Variants in SPAST observed in about 807,000 individuals in gnomAD.
SPAST encodes spastin.
Under a neutral mutation model 76.6 loss-of-function variants are expected in SPAST, and 30 were observed. That is an observed-to-expected ratio of 0.39 (90% CI 0.29 to 0.53). SPAST has a LOEUF of 0.53. SPAST is among the 20% of genes least tolerant of loss of function. SPAST has a pLI of 0.68. For missense variants in SPAST, 717 were observed against 770.5 expected (o/e 0.93, Z 0.82); for synonymous variants, 305 against 281.0 (o/e 1.09, Z -0.86).
In SPAST at chr2:32,114,664, G is replaced by T; in HGVS notation, c.709G>T (p.Asp237Tyr). 1 of 1,614,054 alleles carries T rather than the reference G, an allele frequency of 6.2e-7. No homozygotes were observed. Among genetic ancestry groups the T allele is most frequent in the Non-Finnish European group, 8.5e-7 (1 of 1,179,992 alleles). Residue 237 changes from aspartate (D) to tyrosine (Y), a missense_variant, in exon 5 of 17, where the codon GAC becomes TAC. Asp to Tyr is a radical substitution (Grantham distance 160). Transcript: ENST00000315285. The stretch of plus-strand genomic sequence containing the variant: ...AAGTGGAGCTGTTCCAAAAAGAAAA[G>T]ACCCCTTAACACACACTAGTAATTC... ...SESGAVPKRK[D>Y]PLTHTSNSLP...
intron 9 of SPAST, chr2:32,130,145 A>G (rs75288589): frequency 0.11 from 17,252 of 152,026 alleles, 1,310 homozygotes; most frequent in Middle Eastern, 0.2. Flanking sequence ...AAAAATAAAA[A>G]ATTTAGCTGG....
chr2:32,085,145 C>G (rs983978445), intron 1 of SPAST, among the ~76,000 whole-genome samples: 13 of 150,652 alleles, frequency 8.6e-5, no homozygotes, highest in African/African-American at 3.2e-4. Context: ...GGAAGGTGAG[C>G]ATCCAAATAA....
At chr2:32,142,206 C>T (rs1679742607) in intron 13 of SPAST, among the ~76,000 whole-genome samples, 1 of 152,132 alleles carries the variant, frequency 6.6e-6, no homozygotes, top group East Asian at 1.9e-4. Context: ...GCCAGAACTA[C>T]AAATGATCTA....
chr2:32,109,363 C>G (rs1394004608), intron 4 of SPAST, among the ~76,000 whole-genome samples: 5 of 151,986 alleles, frequency 3.3e-5, no homozygotes, highest in Admixed American at 3.3e-4. Context: ...CCCGCCTCGG[C>G]CTCTCAAAGT....
intron 16 of SPAST, among the ~76,000 whole-genome samples, chr2:32,151,691 C>T (rs1204965719): frequency 1.3e-5 from 2 of 152,164 alleles, no homozygotes; most frequent in East Asian, 1.9e-4. Context: ...AGTTGGATCA[C>T]CTGAGGTCTT....
At position 32,150,951 on chromosome 2, in the gene SPAST, C is replaced by CTTTTTTTT. The variant is rs113065520; in HGVS notation, c.1729-3420_1729-3413dup. Among the ~76,000 whole-genome samples the CTTTTTTTT allele has an allele frequency of 1.9e-3, 278 of 143,350 alleles. 9 individuals carry two copies. Among genetic ancestry groups the CTTTTTTTT allele is most frequent in the East Asian group, 0.012 (57 of 4,754 alleles). The allele number at this position is 143,350 out of a possible 152,430, so 94.0% of individuals were successfully genotyped here. On this transcript the variant is annotated intron_variant, in intron 16 of 16. Transcript: ENST00000315285. Reference sequence around the variant, plus strand: ...TTACAATATTTGGTTCTACTGTATACTTTTTTTTTTGAGACTGAGTTTCGC... The same window carrying CTTTTTTTT: ...TTACAATATTTGGTTCTACTGTATACTTTTTTTTTTTTTTTTTTGAGACTGAGTTTCGC...
chr2:32,131,673 T>C (rs889233740), intron 9 of SPAST, among the ~76,000 whole-genome samples: 9 of 137,520 alleles, frequency 6.5e-5, no homozygotes, highest in East Asian at 6.1e-4. Context: ...ACCATTCTCT[T>C]TTTTTTTTTT....
intron 4 of SPAST, among the ~76,000 whole-genome samples, chr2:32,100,282 A>G (rs1678071230): frequency 7.3e-6 from 1 of 136,420 alleles, no homozygotes; most frequent in Admixed American, 7.2e-5. Context: ...ATTTTTTCAT[A>G]TCTTTGTTTT....
chr2:32,092,807 C>T (rs945170864), intron 3 of SPAST, among the ~76,000 whole-genome samples: 8 of 150,658 alleles, frequency 5.3e-5, no homozygotes, highest in African/African-American at 1.2e-4. Flanking sequence ...CAGGAGTTCA[C>T]GACCAGTCTG....
chr2:32,127,860 C>G, intron 8 of SPAST: 1 of 152,590 alleles, frequency 6.6e-6, no homozygotes, highest in Non-Finnish European at 1.5e-5. Flanking sequence ...TTAAATCTCT[C>G]TCTACTCATT....
intron 16 of SPAST, among the ~76,000 whole-genome samples, chr2:32,153,897 C>T (rs943757692): frequency 2.0e-5 from 3 of 152,006 alleles, no homozygotes; most frequent in South Asian, 4.2e-4. Flanking sequence ...GCCATCATGG[C>T]GAAACCCTGT....
chr2:32,139,069 G>A (rs529644164), intron 12 of SPAST, among the ~76,000 whole-genome samples: 5 of 152,076 alleles, frequency 3.3e-5, no homozygotes, highest in African/African-American at 1.2e-4. Flanking sequence ...TGTGTAGTTC[G>A]GTTTAAAGTC....
intron 7 of SPAST, among the ~76,000 whole-genome samples, chr2:32,126,104 C>T (rs1182156940): frequency 6.6e-6 from 1 of 152,160 alleles, no homozygotes; most frequent in Non-Finnish European, 1.5e-5. Flanking sequence ...CGTGCCCGGC[C>T]AGTTCCTCTG....
In SPAST at chr2:32,092,226, C is replaced by T. The variant is rs72862286; in HGVS notation, c.586+2621C>T. ...AGGTAGTGTTCCCTGGCTTCTGTGG[C>T]TGACAGGATTTGCCTTCTTCCTTTC... On this transcript the variant is annotated intron_variant, in intron 3 of 16. Transcript: ENST00000315285. Among the ~76,000 whole-genome samples the T allele has an allele frequency of 5.3e-3, 804 of 152,274 alleles. 5 individuals are homozygous for T. Among genetic ancestry groups the T allele is most frequent in the African/African-American group, 0.018 (749 of 41,542 alleles).
At chr2:32,105,831 G>C (rs539734374) in intron 4 of SPAST, among the ~76,000 whole-genome samples, 1 of 152,142 alleles carries the variant, frequency 6.6e-6, no homozygotes, top group Non-Finnish European at 1.5e-5. Context: ...ACCTTCGTCT[G>C]ACAGGGGTAC....
At chr2:32,112,281 G>A (rs1336580371) in intron 4 of SPAST, among the ~76,000 whole-genome samples, 1 of 150,464 alleles carries the variant, frequency 6.6e-6, no homozygotes, top group Non-Finnish European at 1.5e-5. Context: ...TTGATGCCCT[G>A]TTGCTCTATC....
At chr2:32,077,170 G>A (rs949953945) in intron 1 of SPAST, among the ~76,000 whole-genome samples, 3 of 152,048 alleles carry the variant, frequency 2.0e-5, no homozygotes, top group South Asian at 2.1e-4. Flanking sequence ...CACCGCGCCC[G>A]GCTTTAATTG....
chr2:32,116,133 A>T lies in SPAST; in HGVS notation c.1019A>T (p.Lys340Ile). Residue 340 changes from lysine (K) to isoleucine (I), a missense_variant, in exon 7 of 17, where the codon AAA becomes ATA. By Grantham distance (102) the Lys-to-Ile change is moderately radical. Around this residue, in one of 3 missense-constraint regions of SPAST, gnomAD observed 543 missense variants for 445.2 expected, o/e 1.22. Coordinates refer to ENST00000315285, the MANE Select transcript of SPAST (RefSeq NM_014946.4). Reference sequence around the variant, plus strand: ...TTGTTTCTTAGTGGAACAGCTGTTAAATTTGATGATATAGCTGGTCAAGAC... The same window carrying T: ...TTGTTTCTTAGTGGAACAGCTGTTATATTTGATGATATAGCTGGTCAAGAC... ...NEIVDNGTAV[K>I]FDDIAGQDLA... 1 of 1,613,008 alleles carries T rather than the reference A, an allele frequency of 6.2e-7. No homozygotes were observed. Among genetic ancestry groups the T allele is most frequent in the South Asian group, 1.1e-5 (1 of 91,064 alleles).
At chr2:32,136,231 T>C (rs1275642708) in intron 9 of SPAST, among the ~76,000 whole-genome samples, 1 of 152,222 alleles carries the variant, frequency 6.6e-6, no homozygotes, top group African/African-American at 2.4e-5. Context: ...TTAAAGAATA[T>C]GTACAATGTC....
Sources: gnomAD v4.1 joint callset for allele counts (sites outside exome capture counted in the v4.1 genomes callset) on GRCh38, gnomAD v4.1.1 for gene constraint, gnomAD v4.1.1 regional missense constraint, MANE v1.5 for transcripts, NCBI Gene and HGNC (gene_info 2026-07-23, HGNC 2026-07-21) for gene names.